The following PEAK1 variants were observed in gnomAD, a reference collection of about 807,000 sequenced individuals.
PEAK1 encodes the protein inactive tyrosine-protein kinase PEAK1.
Under a neutral mutation model 124.7 loss-of-function variants are expected in PEAK1, and 54 were observed. The ratio of observed to expected loss-of-function variants is 0.43; its 90% confidence interval spans 0.35 to 0.54. The LOEUF (loss-of-function observed/expected upper bound fraction) is 0.54, where lower values mean the gene tolerates loss of function less well. Ranked by LOEUF, PEAK1 falls within the 20% of genes least tolerant of loss-of-function variation. The pLI is 0.01. For missense variants in PEAK1, 2,046 were observed against 2,134.5 expected (o/e 0.96, Z 0.82); for synonymous variants, 719 against 760.0 (o/e 0.95, Z 0.89).
intron 6 of PEAK1, among the ~76,000 whole-genome samples, chr15:77,206,782 GT>G (rs1262965129): frequency 6.6e-6 from 1 of 152,022 alleles, no homozygotes. Flanking sequence ...TAGGTTGCCT[GT>G]TCACTCTGAT....
chr15:77,221,821 G>C (rs1421250222), intron 6 of PEAK1, among the ~76,000 whole-genome samples: 1 of 152,064 alleles, frequency 6.6e-6, no homozygotes, highest in Non-Finnish European at 1.5e-5. Context: ...ATTTTGGGCC[G>C]AATCAAAGGC....
chr15:77,181,637 T>C lies in PEAK1; in HGVS notation c.290A>G (p.Asn97Ser). ...GELSIQEHCE[N>S]KPVIIGWNRN... ...GTTCCACCCTATGATGACAGGTTTG[T>C]TCTCACAGTGTTCTTGGATGCTAAG... Residue 97 changes from asparagine to serine, a missense_variant, in exon 7 of 10, where the codon AAC (asparagine) becomes AGC (serine). Coordinates refer to ENST00000682557, the MANE Select transcript of PEAK1 (RefSeq NM_001385026.1). The C allele has an allele frequency of 6.2e-7, 1 of 1,614,184 alleles. No homozygotes were observed. The highest frequency in any genetic ancestry group is 8.5e-7 in the Non-Finnish European group (1 of 1,180,032).
chr15:77,107,996 T>A (rs1441321301), downstream of PEAK1: 1 of 152,232 alleles, frequency 6.6e-6, no homozygotes, highest in East Asian at 1.9e-4. Context: ...CAGCAGGGGA[T>A]GAGGACCCAG....
chr15:77,185,404 C>T (rs1252701766), intron 6 of PEAK1, among the ~76,000 whole-genome samples: 2 of 152,176 alleles, frequency 1.3e-5, no homozygotes, highest in East Asian at 3.8e-4. Context: ...GGAGAAGGGG[C>T]TACTTCCTCT....
At chr15:77,420,265 ACGCGCGCGCTCACGGGCCCCGGT>A (rs2073273125), upstream of PEAK1, 1 of 143,700 alleles carries the variant, frequency 7.0e-6, no homozygotes, top group Non-Finnish European at 1.5e-5. Context: ...AGCCGTGAGC[ACGCGCGCGCTCACGGGCCCCGGT>A]CGTCTCCCAG....
intron 9 of PEAK1, among the ~76,000 whole-genome samples, chr15:77,127,135 T>G (rs746377033): frequency 6.6e-6 from 1 of 152,216 alleles, no homozygotes; most frequent in Non-Finnish European, 1.5e-5. Flanking sequence ...ACATGCTTCT[T>G]GTGTTCTCTC....
At chr15:77,411,994 TGGAG>T (rs2072455839) in intron 1 of PEAK1, among the ~76,000 whole-genome samples, 1 of 152,254 alleles carries the variant, frequency 6.6e-6, no homozygotes, top group Non-Finnish European at 1.5e-5. Flanking sequence ...TATAAATTTA[TGGAG>T]GGAGTGATGT....
intron 6 of PEAK1, among the ~76,000 whole-genome samples, chr15:77,246,078 G>A (rs568346390): frequency 5.2e-4 from 79 of 150,580 alleles, no homozygotes; most frequent in African/African-American, 1.8e-3. Context: ...GTGTGATCTC[G>A]GCTCACTGCA....
chr15:77,166,320 T>C (rs1373838270), intron 7 of PEAK1, among the ~76,000 whole-genome samples: 1 of 152,186 alleles, frequency 6.6e-6, no homozygotes, highest in African/African-American at 2.4e-5. Flanking sequence ...ATTATTCCCA[T>C]AACAGCAAAT....
chr15:77,346,211 T>C (rs2066866459), intron 2 of PEAK1: 2 of 944,942 alleles, frequency 2.1e-6, no homozygotes, highest in Non-Finnish European at 2.5e-6. Flanking sequence ...GTCATTTCAA[T>C]AGAACTAAGA....
At chr15:77,394,216 G>A (rs566262309) in intron 1 of PEAK1, among the ~76,000 whole-genome samples, 18 of 152,310 alleles carry the variant, frequency 1.2e-4, no homozygotes, top group African/African-American at 3.8e-4. Context: ...CACCCTGAAG[G>A]GAAAGACACA....
At chr15:77,257,604 T>G (rs890622439) in intron 5 of PEAK1, among the ~76,000 whole-genome samples, 3 of 151,836 alleles carry the variant, frequency 2.0e-5, no homozygotes, top group African/African-American at 7.3e-5. Context: ...TTTGTTTGAG[T>G]TCACTTTAGA....
At position 77,133,432 on chromosome 15, in the gene PEAK1, G is replaced by C; in HGVS notation, c.3650C>G (p.Ser1217Cys). Reference sequence around the variant, plus strand: ...CTCCTTGCGCAAAGGCCTTTCCAAGGAGTCATAAGACTCAATGTCCAGTCC... The same window carrying C: ...CTCCTTGCGCAAAGGCCTTTCCAAGCAGTCATAAGACTCAATGTCCAGTCC... ...LKGLDIESYD[S>C]LERPLRKERP... The change falls in exon 9 of 10, where the codon TCC becomes TGC. Residue 1217 changes from serine (S) to cysteine (C), a missense_variant. Physicochemically the swap from Ser to Cys is moderately radical, Grantham distance 112. Coordinates refer to ENST00000682557, the MANE Select transcript of PEAK1 (RefSeq NM_001385026.1). The surrounding 1 kb of genome is among the most constrained non-coding windows in gnomAD (Gnocchi z 4.2). 1 of 1,614,182 alleles carries C rather than the reference G, an allele frequency of 6.2e-7. No homozygotes were observed. Among genetic ancestry groups the C allele is most frequent in the East Asian group, 2.2e-5 (1 of 44,876 alleles).
intron 1 of PEAK1, chr15:77,381,490 T>C: frequency 1.0e-6 from 1 of 964,276 alleles, no homozygotes; most frequent in Non-Finnish European, 1.2e-6. Flanking sequence ...AAAGAAGAAC[T>C]GAATCTGACA....
intron 2 of PEAK1, among the ~76,000 whole-genome samples, chr15:77,287,435 C>T (rs547746524): frequency 1.3e-5 from 2 of 152,330 alleles, no homozygotes; most frequent in Non-Finnish European, 2.9e-5. Context: ...TTATCTACTA[C>T]ATAACATTAT....
chr15:77,305,512 A>G (rs2064049243), intron 2 of PEAK1, among the ~76,000 whole-genome samples: 1 of 152,240 alleles, frequency 6.6e-6, no homozygotes, highest in African/African-American at 2.4e-5. Flanking sequence ...AGACTGAATT[A>G]CATATGTAAT....
chr15:77,269,433 A>G (rs2061913272), intron 5 of PEAK1, among the ~76,000 whole-genome samples: 1 of 152,204 alleles, frequency 6.6e-6, no homozygotes. Context: ...GAGATACTAC[A>G]TAATGATAAA....
chr15:77,239,936 T>C, intron 6 of PEAK1: 7 of 674,344 alleles, frequency 1.0e-5, no homozygotes, highest in Non-Finnish European at 1.3e-5. Flanking sequence ...GTTTGTATTT[T>C]TTAAAATACT....
At chr15:77,408,182 CA>C (rs1266100447) in intron 1 of PEAK1, among the ~76,000 whole-genome samples, 23 of 151,518 alleles carry the variant, frequency 1.5e-4, no homozygotes, top group Non-Finnish European at 3.1e-4. Context: ...CACACACACA[CA>C]CACACCCTGG....
Sources: allele counts gnomAD v4.1 joint callset (sites outside exome capture counted in the v4.1 genomes callset), GRCh38; gene constraint gnomAD v4.1.1; non-coding constraint Gnocchi (gnomAD v3.1); transcripts MANE v1.5; gene names NCBI Gene and HGNC (gene_info 2026-07-23, HGNC 2026-07-21).